ONECUT2: variants seen among roughly 807,000 people sequenced by gnomAD.
ONECUT2 encodes the protein one cut homeobox 2, also known as one cut domain family member 2.
In ONECUT2, 10 loss-of-function variants were observed where a neutral mutation model predicts 27.9. The observed-to-expected ratio is 0.36, with a 90% CI of 0.22 to 0.61. ONECUT2 has a LOEUF of 0.61. Among genes scored for constraint, ONECUT2 ranks in the 20% least tolerant of loss-of-function variants. ONECUT2 has a pLI of 0.73. For missense variants in ONECUT2, 686 were observed against 721.0 expected (o/e 0.95, Z 0.56); for synonymous variants, 334 against 315.1 (o/e 1.06, Z -0.64).
At chr18:57,449,243 T>C (rs1485972754) in intron 1 of ONECUT2, among the ~76,000 whole-genome samples, 4 of 152,240 alleles carry the variant, frequency 2.6e-5, no homozygotes, top group Non-Finnish European at 5.9e-5. Context: ...CCTGCTGACT[T>C]GTCAGTGTCA....
Position 57,464,708 on chromosome 18 carries a change from C to CT in ONECUT2, c.1229-11729_1229-11728insT, listed in dbSNP as rs142065169. 6.2e-3 allele frequency among the ~76,000 whole-genome samples: 950 copies of CT among 152,184 alleles called. 6 individuals are homozygous for CT. The highest frequency in any genetic ancestry group is 0.022 in the African/African-American group (897 of 41,554). Reference sequence around the variant, plus strand: ...GTGAATGGAGACACCGACCCTTTTTCCTTCCTGCAGATTCATTAGTGTAGT... The same window carrying CT: ...GTGAATGGAGACACCGACCCTTTTTCTCTTCCTGCAGATTCATTAGTGTAGT... On this transcript the variant is annotated intron_variant, in intron 1 of 1. Coordinates refer to ENST00000491143, the MANE Select transcript of ONECUT2 (RefSeq NM_004852.3).
rs181547730 is a variant in ONECUT2, at chr18:57,477,766, C to G, written c.*1043C>G. The G allele has an allele frequency of 7.2e-5, 11 of 152,552 alleles. No individual in the cohort carries two copies. The highest frequency in any genetic ancestry group is 3.9e-4 in the Admixed American group (6 of 15,288). 9.4% of individuals were successfully genotyped at this position (152,552 alleles called of 1,614,324 possible). A position where few individuals can be genotyped will look rare whatever the true frequency, so the allele number is the denominator to read the frequency against. ...TGGTTGATCAGTCATCTGGTCCCTC[C>G]TACTGTGTGTTATGACCACCACGTA... On this transcript the variant is annotated 3_prime_UTR_variant, in exon 2 of 2. Transcript: ENST00000491143.
chr18:57,444,128 T>C (rs2050189724), intron 1 of ONECUT2, among the ~76,000 whole-genome samples: 1 of 152,234 alleles, frequency 6.6e-6, no homozygotes, highest in African/African-American at 2.4e-5. Flanking sequence ...TGGTTTGCTT[T>C]GTCATACTAA....
In ONECUT2 at chr18:57,436,001, AGCGGCG is replaced by A. The variant is rs764532372; in HGVS notation, c.288_293del (p.Ala100_Ala101del). 2 of 1,491,704 alleles carry A rather than the reference AGCGGCG, an allele frequency of 1.3e-6. No individual in the cohort carries two copies. The highest frequency in any genetic ancestry group is 2.9e-5 in the African/African-American group (2 of 67,848). The allele number at this position is 1,491,704 out of a possible 1,614,324, so 92.4% of individuals were successfully genotyped here. ...CGCACCAGGAGCTGGGCACGGCGGC[AGCGGCG>A]GCAGCGGCGGCGTCGCGCTCGGCCA... On this transcript the variant is annotated inframe_deletion, in exon 1 of 2. Transcript: ENST00000491143. This position sits in a 1 kb window ranked among gnomAD's most constrained non-coding sequence, Gnocchi z 5.9.
chr18:57,438,090 C>A (rs1018446430), intron 1 of ONECUT2, among the ~76,000 whole-genome samples: 1 of 152,210 alleles, frequency 6.6e-6, no homozygotes, highest in Non-Finnish European at 1.5e-5. Flanking sequence ...CCTGTGTGGG[C>A]GGCGGGTGCG....
chr18:57,459,008 T>C (rs1034762986), intron 1 of ONECUT2, among the ~76,000 whole-genome samples: 1 of 152,246 alleles, frequency 6.6e-6, no homozygotes, highest in African/African-American at 2.4e-5. Context: ...GCTGGTCATA[T>C]ATATTTCCTT....
At chr18:57,465,537 G>A (rs539745704) in intron 1 of ONECUT2, among the ~76,000 whole-genome samples, 2 of 152,200 alleles carry the variant, frequency 1.3e-5, no homozygotes, top group South Asian at 2.1e-4. Context: ...ATAATTTTCT[G>A]TTCCTGTTTC....
In ONECUT2 at chr18:57,467,929, C is replaced by CT. The variant is rs1299034741; in HGVS notation, c.1229-8503dup. Among the ~76,000 whole-genome samples, 3 of 152,328 alleles carry CT rather than the reference C, an allele frequency of 2.0e-5. No homozygotes were observed. The East Asian group carries it at 5.8e-4, about 29-fold the overall frequency. On this transcript the variant is annotated intron_variant, in intron 1 of 1. Transcript: ENST00000491143. ...TCTTGTTCCTTCTCCCTCCTGTCTC[C>CT]TTTTTCCTCTTGCTCCGCCATTCTC...
rs139883933 is a variant in ONECUT2, at chr18:57,472,549, T to G, written c.1229-3888T>G. On this transcript the variant is annotated intron_variant, in intron 1 of 1. Transcript: ENST00000491143. The stretch of plus-strand genomic sequence containing the variant: ...GGCATTTGGGCTTGCTGTACACTTC[T>G]AGACTGCAAGCTACAGCTTTGCATT... 8.0e-3 allele frequency among the ~76,000 whole-genome samples: 1,224 copies of G among 152,296 alleles called. 15 individuals carry two copies. Among genetic ancestry groups the G allele is most frequent in the African/African-American group, 0.028 (1,166 of 41,546 alleles).
chr18:57,468,412 C>CAGG (rs1415808541), intron 1 of ONECUT2, among the ~76,000 whole-genome samples: 58 of 152,350 alleles, frequency 3.8e-4, no homozygotes, highest in African/African-American at 1.4e-3. Context: ...ATGGTACTGG[C>CAGG]TCCATGGTCA....
chr18:57,459,447 G>T (rs995377154), intron 1 of ONECUT2, among the ~76,000 whole-genome samples: 1 of 152,172 alleles, frequency 6.6e-6, no homozygotes, highest in South Asian at 2.1e-4. Context: ...AACATTAATA[G>T]ATCTAAAGGG....
rs190840530 is a variant in ONECUT2 at position 57,478,504 on chromosome 18, C to T, written c.*1781C>T. ...AATCACCACCAATAAGAAGGAAGCACGCCAGAAAATAAACGAAAACAAAAA... is the reference window on the plus strand; with the variant it reads ...AATCACCACCAATAAGAAGGAAGCATGCCAGAAAATAAACGAAAACAAAAA... On this transcript the variant is annotated 3_prime_UTR_variant, in exon 2 of 2. Coordinates refer to ENST00000491143, the MANE Select transcript of ONECUT2 (RefSeq NM_004852.3). The T allele has an allele frequency of 5.2e-5, 8 of 152,678 alleles. No homozygotes were observed. The East Asian group carries it at 9.6e-4, about 18-fold the overall frequency. The allele number at this position is 152,678 out of a possible 1,614,324, so 9.5% of individuals were successfully genotyped here. A position where few individuals can be genotyped will look rare whatever the true frequency, so the allele number is the denominator to read the frequency against.
intron 1 of ONECUT2, among the ~76,000 whole-genome samples, chr18:57,467,374 T>C (rs978914706): frequency 2.6e-5 from 4 of 151,874 alleles, no homozygotes; most frequent in African/African-American, 7.2e-5. Context: ...GTTTGTTTGT[T>C]TTTTTTCCTA....
chr18:57,440,907 G>A (rs956676072), intron 1 of ONECUT2, among the ~76,000 whole-genome samples: 1 of 152,236 alleles, frequency 6.6e-6, no homozygotes, highest in South Asian at 2.1e-4. Flanking sequence ...ACCCGTGCCA[G>A]TACGGAACAG....
intron 1 of ONECUT2, among the ~76,000 whole-genome samples, chr18:57,439,478 G>A (rs957038677): frequency 1.3e-5 from 2 of 152,244 alleles, no homozygotes; most frequent in African/African-American, 4.8e-5. Flanking sequence ...CATTTTATCA[G>A]CAACTACAAG....
chr18:57,460,893 C>G (rs1369464125), intron 1 of ONECUT2, among the ~76,000 whole-genome samples: 1 of 152,032 alleles, frequency 6.6e-6, no homozygotes, highest in Non-Finnish European at 1.5e-5. Flanking sequence ...GTGTCACTCT[C>G]TTGCCCAGGC....
At position 57,482,564 on chromosome 18, in the gene ONECUT2, T is replaced by C. The variant is rs2050421192; in HGVS notation, c.*5841T>C. On this transcript the variant is annotated 3_prime_UTR_variant, in exon 2 of 2. Transcript: ENST00000491143. Reference sequence around the variant, plus strand: ...CATTGCTACCAGCTTGTTCATCCCATAGAAGTCTTCCACTCTGCTCCATTT... The same window carrying C: ...CATTGCTACCAGCTTGTTCATCCCACAGAAGTCTTCCACTCTGCTCCATTT... The C allele has an allele frequency of 6.6e-6, 1 of 152,240 alleles. No homozygotes were observed. The highest frequency in any genetic ancestry group is 1.5e-5 in the Non-Finnish European group (1 of 68,036). The allele number at this position is 152,240 out of a possible 1,614,324, so 9.4% of individuals were successfully genotyped here. A position where few individuals can be genotyped will look rare whatever the true frequency, so the allele number is the denominator to read the frequency against.
In ONECUT2 at chr18:57,435,676, G is replaced by GCCCCC; in HGVS notation, c.-40_-36dup. The GCCCCC allele has an allele frequency of 1.2e-5, 8 of 659,572 alleles. No homozygotes were observed. Among genetic ancestry groups the GCCCCC allele is most frequent in the Non-Finnish European group, 1.6e-5 (8 of 515,094 alleles). 40.9% of individuals were successfully genotyped at this position (659,572 alleles called of 1,614,324 possible). A position where few individuals can be genotyped will look rare whatever the true frequency, so the allele number is the denominator to read the frequency against. The stretch of plus-strand genomic sequence containing the variant: ...CGCGCGCCTTGCCCGCCCGCCGGCC[G>GCCCCC]CCCCCGCCGCCCCCGCCGCCCCCGG... On this transcript the variant is annotated 5_prime_UTR_variant, in exon 1 of 2. Coordinates refer to ENST00000491143, the MANE Select transcript of ONECUT2 (RefSeq NM_004852.3).
intron 1 of ONECUT2, among the ~76,000 whole-genome samples, chr18:57,472,001 G>T (rs1289451070): frequency 6.6e-6 from 1 of 152,184 alleles, no homozygotes; most frequent in African/African-American, 2.4e-5. Flanking sequence ...GAGAGGAGAA[G>T]AATCAGATCC....
Sources: gnomAD v4.1 joint callset for allele counts (sites outside exome capture counted in the v4.1 genomes callset) on GRCh38, gnomAD v4.1.1 for gene constraint, Gnocchi (gnomAD v3.1) non-coding constraint, MANE v1.5 for transcripts, NCBI Gene and HGNC (gene_info 2026-07-23, HGNC 2026-07-21) for gene names.